The following GPHN variants were observed in gnomAD, a reference collection of about 807,000 sequenced individuals.
The protein encoded by GPHN is gephyrin.
GPHN carries 17 observed loss-of-function variants against 95.5 expected under a neutral mutation model. The observed-to-expected ratio is 0.18, with a 90% CI of 0.12 to 0.27. GPHN has a LOEUF of 0.27. Among genes scored for constraint, GPHN ranks in the 10% least tolerant of loss-of-function variants. The probability of loss-of-function intolerance (pLI) is 1.00; values close to 1 mark genes in which losing one functional copy is unlikely to be tolerated. For synonymous variants in GPHN, 320 were observed against 322.5 expected, an observed-to-expected ratio of 0.99 and a Z score of 0.08; for missense variants, 660 against 978.1, an observed-to-expected ratio of 0.67 and a Z score of 4.34.
intron 9 of GPHN, among the ~76,000 whole-genome samples, chr14:67,002,319 T>TTC (rs1220001535): frequency 1.4e-5 from 2 of 146,186 alleles, no homozygotes; most frequent in Admixed American, 6.8e-5. Flanking sequence ...CTTTTTTTTT[T>TTC]TTTTTTTTTT....
the GPHN span, among the ~76,000 whole-genome samples, chr14:67,630,396 T>C: frequency 6.6e-6 from 1 of 152,168 alleles, no homozygotes; most frequent in Non-Finnish European, 1.5e-5. Context: ...CTCTGCCTAA[T>C]GGTGCCAGAT....
chr14:67,170,659 G>A (rs1311089542), intron 21 of GPHN, among the ~76,000 whole-genome samples: 1 of 152,164 alleles, frequency 6.6e-6, no homozygotes, highest in Non-Finnish European at 1.5e-5. Flanking sequence ...TTTCCTGTCA[G>A]CAAAGGATGT....
chr14:67,119,358 T>A (rs1404122564), intron 16 of GPHN, among the ~76,000 whole-genome samples: 1 of 152,200 alleles, frequency 6.6e-6, no homozygotes. Context: ...AATTCAGACA[T>A]AATGTAATGA....
At chr14:66,805,128 A>G (rs1376527763) in intron 3 of GPHN, among the ~76,000 whole-genome samples, 1 of 152,232 alleles carries the variant, frequency 6.6e-6, no homozygotes, top group Admixed American at 6.5e-5. Flanking sequence ...AGGCCTCACA[A>G]TCATGGTGGA....
At chr14:67,393,133 C>T in the GPHN span, 1 of 1,589,202 alleles carries the variant, frequency 6.3e-7, no homozygotes, top group Non-Finnish European at 8.6e-7. Context: ...CAGCCCGGCC[C>T]TGGGGGACAG....
intron 9 of GPHN, among the ~76,000 whole-genome samples, chr14:67,012,417 G>T (rs2073063499): frequency 6.6e-6 from 1 of 152,028 alleles, no homozygotes; most frequent in Non-Finnish European, 1.5e-5. Context: ...AGGTACTTTT[G>T]TATCCCACTT....
At chr14:67,435,048 C>A in the GPHN span, among the ~76,000 whole-genome samples, 460 of 151,210 alleles carry the variant, frequency 3.0e-3, no homozygotes, top group Non-Finnish European at 4.7e-3. Flanking sequence ...CTCACTGCAG[C>A]CTCCTCCTCC....
In GPHN at chr14:67,115,809, GAC is replaced by G. The variant is rs543881676; in HGVS notation, c.1626+2640_1626+2641del. ...TCTCATATGACATATTGGTAAGCAG[GAC>G]AGTTGCCTTGGCAACCCAAAGAGTG... is the stretch of plus-strand genomic sequence containing the variant. On this transcript the variant is annotated intron_variant, in intron 16 of 22. Transcript: ENST00000478722. 2.4e-3 allele frequency among the ~76,000 whole-genome samples: 361 copies of G among 152,142 alleles called. 3 individuals are homozygous for G. The highest frequency in any genetic ancestry group is 8.2e-3 in the African/African-American group (340 of 41,528).
the GPHN span, chr14:67,365,070 A>AT: frequency 1.4e-6 from 2 of 1,477,500 alleles, no homozygotes; most frequent in East Asian, 2.5e-5. Context: ...TTAAAAATAC[A>AT]TTTTTTGTAA....
In GPHN at chr14:66,686,581, G is replaced by C. The variant is rs148916246; in HGVS notation, c.143+5396G>C. 7.9e-3 allele frequency among the ~76,000 whole-genome samples: 1,203 copies of C among 152,252 alleles called. 8 individuals are homozygous for C. Among genetic ancestry groups the C allele is most frequent in the African/African-American group, 0.028 (1,148 of 41,534 alleles). ...GTTATTGGTGTATAAGAATGCTTGT[G>C]ATTTTTGCACATTGATTTTATGTCC... On this transcript the variant is annotated intron_variant, in intron 2 of 22. Coordinates refer to ENST00000478722, the MANE Select transcript of GPHN (RefSeq NM_020806.5).
chr14:67,580,410 G>C, the GPHN span: 1 of 168,206 alleles, frequency 5.9e-6, no homozygotes, highest in East Asian at 1.6e-4. Flanking sequence ...TACTGTCCTG[G>C]GGGATAAGTG....
In GPHN at chr14:66,537,568, A is replaced by G. The variant is rs192246766; in HGVS notation, c.64+28977A>G. On this transcript the variant is annotated intron_variant, in intron 1 of 22. Coordinates refer to ENST00000478722, the MANE Select transcript of GPHN (RefSeq NM_020806.5). ...TTTTCATATTTTATTTCAATATATG[A>G]TACAAACCACATAATTTTTTTGTAA... is the stretch of plus-strand genomic sequence containing the variant. Among the ~76,000 whole-genome samples the G allele has an allele frequency of 2.0e-3, 306 of 152,182 alleles. 2 individuals are homozygous for G. Among genetic ancestry groups the G allele is most frequent in the African/African-American group, 7.2e-3 (297 of 41,506 alleles).
At chr14:67,114,788 T>C (rs919996084) in intron 16 of GPHN, among the ~76,000 whole-genome samples, 1 of 152,246 alleles carries the variant, frequency 6.6e-6, no homozygotes, top group Non-Finnish European at 1.5e-5. Flanking sequence ...TCTCATGCTT[T>C]TGTAGGTCTG....
At chr14:66,547,170 G>T (rs2059635527) in intron 1 of GPHN, among the ~76,000 whole-genome samples, 1 of 152,126 alleles carries the variant, frequency 6.6e-6, no homozygotes, top group Non-Finnish European at 1.5e-5. Flanking sequence ...GAAGGGAAAA[G>T]AAATCTTAGC....
intron 1 of GPHN, among the ~76,000 whole-genome samples, chr14:66,633,673 T>C (rs2063946134): frequency 6.6e-6 from 1 of 152,154 alleles, no homozygotes; most frequent in Non-Finnish European, 1.5e-5. Flanking sequence ...TATTTTTGGG[T>C]ACGTATGTTT....
the GPHN span, among the ~76,000 whole-genome samples, chr14:67,278,616 C>T: frequency 6.6e-6 from 1 of 152,162 alleles, no homozygotes; most frequent in Non-Finnish European, 1.5e-5. Context: ...TTATTTCAAT[C>T]CCATGTTAAT....
chr14:66,857,191 A>G (rs896113736), intron 4 of GPHN, among the ~76,000 whole-genome samples: 5 of 152,284 alleles, frequency 3.3e-5, no homozygotes, highest in African/African-American at 1.2e-4. Flanking sequence ...GAGAAAAGAT[A>G]TGAAGAATGA....
At chr14:67,477,829 A>G in the GPHN span, among the ~76,000 whole-genome samples, 7 of 151,898 alleles carry the variant, frequency 4.6e-5, no homozygotes, top group African/African-American at 1.7e-4. Flanking sequence ...CTCTCCTAAG[A>G]CCCCCACCCC....
the GPHN span, among the ~76,000 whole-genome samples, chr14:67,419,504 C>T: frequency 6.6e-6 from 1 of 152,178 alleles, no homozygotes; most frequent in South Asian, 2.1e-4. Flanking sequence ...CGTTCAACTA[C>T]CAAAGGCATG....
Sources: allele counts gnomAD v4.1 joint callset (sites outside exome capture counted in the v4.1 genomes callset), GRCh38; gene constraint gnomAD v4.1.1; transcripts MANE v1.5; gene names NCBI Gene and HGNC (gene_info 2026-07-23, HGNC 2026-07-21).